Variants in STRN observed in about 807,000 individuals in gnomAD.
STRN encodes the protein striatin, also known as protein phosphatase 2 regulatory subunit B'''alpha.
STRN carries 53 observed loss-of-function variants against 96.3 expected under a neutral mutation model. The ratio of observed to expected loss-of-function variants is 0.55; its 90% CI spans 0.44 to 0.69. The LOEUF (loss-of-function observed/expected upper bound fraction) is 0.69. STRN is among the 30% of genes least tolerant of loss of function. The probability of loss-of-function intolerance (pLI) is 0.00; values close to 1 mark genes in which losing one functional copy is unlikely to be tolerated. For synonymous variants in STRN, 428 were observed against 355.9 expected, an observed-to-expected ratio of 1.20 and a Z score of -2.28; for missense variants, 987 against 963.9, an observed-to-expected ratio of 1.02 and a Z score of -0.32.
At chr2:36,897,385 T>A (rs1169395113) in intron 6 of STRN, among the ~76,000 whole-genome samples, 6 of 151,878 alleles carry the variant, frequency 4.0e-5, no homozygotes, top group Admixed American at 3.9e-4. Flanking sequence ...GCAAAACTGT[T>A]AAAACCAGTG....
At chr2:36,922,128 C>A (rs1390001183) in intron 2 of STRN, among the ~76,000 whole-genome samples, 2 of 152,062 alleles carry the variant, frequency 1.3e-5, no homozygotes, top group Non-Finnish European at 2.9e-5. Context: ...AGAGAGCAAA[C>A]ACAATAAAGC....
At chr2:36,864,011 C>A (rs994355380) in intron 12 of STRN, among the ~76,000 whole-genome samples, 1 of 152,122 alleles carries the variant, frequency 6.6e-6, no homozygotes, top group African/African-American at 2.4e-5. Flanking sequence ...GATTTTATAT[C>A]CAGAAATTTG....
At chr2:36,887,218 C>A (rs1166311700) in intron 7 of STRN, among the ~76,000 whole-genome samples, 1 of 151,042 alleles carries the variant, frequency 6.6e-6, no homozygotes, top group Admixed American at 6.6e-5. Context: ...CACATGAGGT[C>A]AGGAGTTCAA....
At chr2:36,909,061 C>T (rs1273217831) in intron 3 of STRN, among the ~76,000 whole-genome samples, 1 of 148,292 alleles carries the variant, frequency 6.7e-6, no homozygotes, top group Non-Finnish European at 1.5e-5. Context: ...GAGGCTGAGA[C>T]AGGAGAATCA....
intron 3 of STRN, among the ~76,000 whole-genome samples, chr2:36,915,027 C>T (rs1488907129): frequency 2.0e-5 from 3 of 151,176 alleles, no homozygotes; most frequent in African/African-American, 7.3e-5. Flanking sequence ...GAAACCCCGT[C>T]TCTATTAAAA....
rs1667921857 is a variant in STRN, at chr2:36,840,318, G to C, written c.*9138C>G. ...ATGGGGGTCCGGGGATAGATGGGAG[G>C]TCATCAACAGGGTTTAGGGACACCT... On this transcript the variant is annotated 3_prime_UTR_variant, in exon 18 of 18. Transcript: ENST00000263918. 6.6e-6 allele frequency: 1 copy of C among 152,328 alleles called. No individual in the cohort carries two copies. The highest frequency in any genetic ancestry group is 1.5e-5 in the Non-Finnish European group (1 of 68,212). 9.4% of individuals were successfully genotyped at this position (152,328 alleles called of 1,614,324 possible). A position where few individuals can be genotyped will look rare whatever the true frequency, so the allele number is the denominator to read the frequency against.
intron 3 of STRN, among the ~76,000 whole-genome samples, chr2:36,908,722 C>T (rs1029928043): frequency 4.6e-5 from 7 of 152,108 alleles, no homozygotes; most frequent in African/African-American, 1.2e-4. Flanking sequence ...GCCTGTAATA[C>T]CAGCACTTTG....
chr2:36,903,349 T>C (rs1057365937), intron 4 of STRN, among the ~76,000 whole-genome samples: 4 of 152,202 alleles, frequency 2.6e-5, no homozygotes, highest in African/African-American at 9.6e-5. Context: ...AAAGGCTTTG[T>C]ATTGAGAGCT....
At chr2:36,915,661 G>A (rs13025086) in intron 3 of STRN, among the ~76,000 whole-genome samples, 1 of 152,152 alleles carries the variant, frequency 6.6e-6, no homozygotes. Flanking sequence ...TTTTTGGGAT[G>A]AGGAATTCCT....
intron 7 of STRN, among the ~76,000 whole-genome samples, chr2:36,893,303 C>T (rs2691119): frequency 2.0e-5 from 3 of 151,570 alleles, no homozygotes; most frequent in African/African-American, 7.3e-5. Context: ...GCAAAAAAAA[C>T]CCCTAAGCGT....
intron 14 of STRN, among the ~76,000 whole-genome samples, chr2:36,855,645 C>T (rs1449379768): frequency 6.6e-6 from 1 of 152,154 alleles, no homozygotes; most frequent in Non-Finnish European, 1.5e-5. Context: ...GTATGAATTA[C>T]AAATTTTGCT....
At chr2:36,864,976 A>T (rs1403964162) in intron 12 of STRN, among the ~76,000 whole-genome samples, 1 of 152,104 alleles carries the variant, frequency 6.6e-6, no homozygotes, top group Admixed American at 6.6e-5. Context: ...TGACCTCCCA[A>T]AGTGCTGGGA....
At chr2:36,890,481 T>C (rs1572651577) in intron 7 of STRN, among the ~76,000 whole-genome samples, 1 of 141,228 alleles carries the variant, frequency 7.1e-6, no homozygotes, top group African/African-American at 2.7e-5. Context: ...AGAAAACTTT[T>C]TTTTTTTTTT....
intron 3 of STRN, among the ~76,000 whole-genome samples, chr2:36,914,930 C>T (rs371301636): frequency 2.0e-5 from 3 of 152,178 alleles, no homozygotes; most frequent in African/African-American, 7.2e-5. Flanking sequence ...GGCGTGGTGG[C>T]TCACGCCTGT....
chr2:36,957,754 T>TTTG (rs1263890272), intron 1 of STRN, among the ~76,000 whole-genome samples: 26 of 99,768 alleles, frequency 2.6e-4, no homozygotes, highest in Non-Finnish European at 5.5e-4. Flanking sequence ...CTTTTTTTTT[T>TTTG]TTTTTTTTTT....
intron 1 of STRN, among the ~76,000 whole-genome samples, chr2:36,945,019 C>T (rs578011789): frequency 6.6e-6 from 1 of 152,098 alleles, no homozygotes; most frequent in African/African-American, 2.4e-5. Context: ...GTATATATAG[C>T]CAACAAACCA....
Position 36,842,473 on chromosome 2 carries a change from G to GAGC in STRN, c.*6982_*6983insGCT, listed in dbSNP as rs1489075510. 6.6e-6 allele frequency: 1 copy of GAGC among 152,180 alleles called. No individual in the cohort carries two copies. The highest frequency in any genetic ancestry group is 1.9e-4 in the East Asian group (1 of 5,202). 9.4% of individuals were successfully genotyped at this position (152,180 alleles called of 1,614,324 possible). On this transcript the variant is annotated 3_prime_UTR_variant, in exon 18 of 18. Transcript: ENST00000263918. ...TTACCTAAAGAGGGACACAGAAAAA[G>GAGC]TCAATGTGGAGCTGGCATCTGGACC...
chr2:36,869,900 TAACCCAAC>T (rs975846996), intron 10 of STRN, among the ~76,000 whole-genome samples, 171 bp from the exon 11 acceptor site: 3 of 152,154 alleles, frequency 2.0e-5, no homozygotes, highest in African/African-American at 7.2e-5. Flanking sequence ...AAATTAGCAA[TAACCCAAC>T]ACTAGTTTTC....
chr2:36,942,134 A>T (rs1670860854), intron 1 of STRN, among the ~76,000 whole-genome samples: 1 of 152,136 alleles, frequency 6.6e-6, no homozygotes, highest in Non-Finnish European at 1.5e-5. Context: ...CTTATCACTC[A>T]CTGATAAAGG....
Sources: gnomAD v4.1 joint callset for allele counts (sites outside exome capture counted in the v4.1 genomes callset) on GRCh38, gnomAD v4.1.1 for gene constraint, MANE v1.5 for transcripts, NCBI Gene and HGNC (gene_info 2026-07-23, HGNC 2026-07-21) for gene names.